ZDHHC7: variants seen among roughly 807,000 people sequenced by gnomAD.
The protein encoded by ZDHHC7 is zDHHC palmitoyltransferase 7.
ZDHHC7 carries 12 observed loss-of-function variants against 34.1 expected under a neutral mutation model. That is an observed-to-expected ratio of 0.35 (90% confidence interval 0.23 to 0.57). The LOEUF is 0.57. ZDHHC7 is among the 20% of genes least tolerant of loss of function. The probability of loss-of-function intolerance (pLI) is 0.84; values close to 1 mark genes in which losing one functional copy is unlikely to be tolerated. For synonymous variants in ZDHHC7, 185 were observed against 155.4 expected (o/e 1.19, Z -1.42); for missense variants, 388 against 402.7 (o/e 0.96, Z 0.31).
At chr16:85,016,223 T>C (rs758009776), upstream of ZDHHC7, among the ~76,000 whole-genome samples, 6 of 152,164 alleles carry the variant, frequency 3.9e-5, no homozygotes, top group Non-Finnish European at 8.8e-5. Flanking sequence ...GGTCTCACTA[T>C]GTTGCCCAGG....
upstream of ZDHHC7, among the ~76,000 whole-genome samples, chr16:85,015,925 T>A (rs761187870): frequency 6.6e-6 from 1 of 152,162 alleles, no homozygotes; most frequent in Non-Finnish European, 1.5e-5. Context: ...AGAGTCAGGC[T>A]GGAATTTGGT....
intron 1 of ZDHHC7, among the ~76,000 whole-genome samples, chr16:85,003,639 C>T (rs1399865896): frequency 6.6e-6 from 1 of 152,164 alleles, no homozygotes; most frequent in African/African-American, 2.4e-5. Flanking sequence ...TAACCCAACT[C>T]AAGCCAGATC....
intron 2 of ZDHHC7, among the ~76,000 whole-genome samples, chr16:84,992,398 G>A (rs886854695): frequency 7.5e-5 from 8 of 107,244 alleles, no homozygotes; most frequent in South Asian, 3.1e-4. Context: ...GCTTGAACCC[G>A]GGGGGTGGAG....
intron 1 of ZDHHC7, among the ~76,000 whole-genome samples, chr16:85,000,198 A>G (rs1230584715): frequency 6.6e-6 from 1 of 152,206 alleles, no homozygotes; most frequent in East Asian, 1.9e-4. Flanking sequence ...CTCAATTAAA[A>G]ACATGAGCAG....
chr16:85,004,994 G>A (rs1487419428), intron 1 of ZDHHC7: 2 of 152,170 alleles, frequency 1.3e-5, no homozygotes, highest in East Asian at 3.9e-4. Context: ...AGATGAGGTG[G>A]CCTCCAAGGA....
intron 3 of ZDHHC7, among the ~76,000 whole-genome samples, chr16:84,983,036 C>A (rs1440027365): frequency 2.0e-5 from 3 of 152,192 alleles, no homozygotes; most frequent in South Asian, 2.1e-4. Flanking sequence ...ATTCTGGGAG[C>A]TGTGGCAGGG....
At chr16:85,004,690 C>A (rs1252088221) in intron 1 of ZDHHC7, among the ~76,000 whole-genome samples, 1 of 152,098 alleles carries the variant, frequency 6.6e-6, no homozygotes, top group African/African-American at 2.4e-5. Context: ...GGGTTCACCA[C>A]GCACTCCACA....
intron 3 of ZDHHC7, among the ~76,000 whole-genome samples, chr16:84,983,524 G>C (rs1382072073): frequency 1.3e-5 from 2 of 152,156 alleles, no homozygotes; most frequent in Non-Finnish European, 2.9e-5. Context: ...GGGCAAATGT[G>C]AGTGTTGACT....
chr16:85,009,758 G>C (rs932929743), intron 1 of ZDHHC7, among the ~76,000 whole-genome samples: 4 of 144,892 alleles, frequency 2.8e-5, no homozygotes, highest in Non-Finnish European at 6.0e-5. Flanking sequence ...GCCCAGACTG[G>C]AGTGCAGTGG....
At chr16:84,994,258 G>A (rs962282267) in intron 2 of ZDHHC7, among the ~76,000 whole-genome samples, 16 of 152,216 alleles carry the variant, frequency 1.1e-4, no homozygotes, top group Non-Finnish European at 2.1e-4. Flanking sequence ...GCAACAAAAA[G>A]CAAGCAGTCC....
intron 1 of ZDHHC7, among the ~76,000 whole-genome samples, chr16:84,997,687 G>T (rs1597554199): frequency 6.7e-6 from 1 of 150,370 alleles, no homozygotes; most frequent in African/African-American, 2.4e-5. Flanking sequence ...AAGGTCAGGA[G>T]ATCGAGACCA....
At chr16:84,976,557 G>C in intron 7 of ZDHHC7, 38 bp from the exon 8 acceptor site, 1 of 1,602,460 alleles carries the variant, frequency 6.2e-7, no homozygotes, top group Non-Finnish European at 8.5e-7. Flanking sequence ...AGCGGCTCCA[G>C]GAAGCTCGGC....
chr16:84,979,808 A>C (rs2072342788), intron 4 of ZDHHC7, among the ~76,000 whole-genome samples: 2 of 152,216 alleles, frequency 1.3e-5, no homozygotes, highest in South Asian at 4.1e-4. Context: ...ACTTTTGCCC[A>C]AAACACTCTG....
At chr16:85,025,686 G>A in the ZDHHC7 span, among the ~76,000 whole-genome samples, 2 of 152,174 alleles carry the variant, frequency 1.3e-5, no homozygotes, top group East Asian at 3.9e-4. Context: ...GGGATTACAG[G>A]CGTCAGCCAC....
In ZDHHC7 at chr16:84,981,851, A is replaced by C. The variant is rs1185282778; in HGVS notation, c.440+19T>G. On this transcript the variant is annotated intron_variant, in intron 4 of 7. Transcript: ENST00000313732. ...CGCAGTGGCGGATGCGCTCGGGTTT[A>C]ATACAGCAGCGCACGTACCTGCAGT... is the stretch of plus-strand genomic sequence containing the variant. The C allele has an allele frequency of 6.2e-7, 1 of 1,613,638 alleles. No homozygotes were observed.
the ZDHHC7 span, among the ~76,000 whole-genome samples, chr16:85,026,259 C>T: frequency 2.6e-5 from 4 of 152,228 alleles, no homozygotes; most frequent in South Asian, 6.2e-4. Context: ...CATCCTCCTC[C>T]ATTCCCATGA....
intron 1 of ZDHHC7, among the ~76,000 whole-genome samples, chr16:85,000,998 G>C (rs2143712339): frequency 6.6e-6 from 1 of 152,278 alleles, no homozygotes; most frequent in Non-Finnish European, 1.5e-5. Context: ...GACAAGAGAG[G>C]ACAATCATGT....
At chr16:84,998,538 C>T (rs1267636127) in intron 1 of ZDHHC7, among the ~76,000 whole-genome samples, 1 of 152,040 alleles carries the variant, frequency 6.6e-6, no homozygotes, top group African/African-American at 2.4e-5. Flanking sequence ...TTCTGGGGTG[C>T]CTCCCGATAA....
Position 84,976,505 on chromosome 16 carries a change from C to T in ZDHHC7, c.765G>A (p.Leu255=). ...ICNDETEIER[L]KSEKPTWERR... is the part of the protein sequence containing the mutation. ...GCTCCCATGTGGGCTTCTCACTTTT[C>T]AATCGCTCGATCTCCTGGAAGCAGA... Residue 255 remains leucine, a synonymous_variant, in exon 8 of 8, where the codon TTG becomes TTA. Coordinates refer to ENST00000313732, the MANE Select transcript of ZDHHC7 (RefSeq NM_017740.3). The T allele has an allele frequency of 6.2e-7, 1 of 1,613,560 alleles. No homozygotes were observed.
Sources: allele counts gnomAD v4.1 joint callset (sites outside exome capture counted in the v4.1 genomes callset), GRCh38; gene constraint gnomAD v4.1.1; transcripts MANE v1.5; gene names NCBI Gene and HGNC (gene_info 2026-07-23, HGNC 2026-07-21).